The following FCGR2B variants were observed in gnomAD, a reference collection of about 807,000 sequenced individuals.
The protein encoded by FCGR2B is Fc gamma receptor IIb, also known as low affinity immunoglobulin gamma Fc region receptor II-b.
A neutral mutation model predicts 24.8 loss-of-function variants in FCGR2B; 18 were observed. That is an observed-to-expected ratio of 0.73 (90% confidence interval 0.50 to 1.08). The LOEUF is 1.08. Ranked by LOEUF, FCGR2B falls within the 50% of genes least tolerant of loss-of-function variation. The pLI, the probability that FCGR2B is intolerant of heterozygous loss-of-function variation, is 0.00. For synonymous variants in FCGR2B, 79 were observed against 109.8 expected, an observed-to-expected ratio of 0.72 and a Z score of 1.75; for missense variants, 215 against 297.6, an observed-to-expected ratio of 0.72 and a Z score of 2.04.
chr1:161,652,328 A>G, the FCGR2B span, among the ~76,000 whole-genome samples: 7 of 130,092 alleles, frequency 5.4e-5, 2 homozygotes, highest in Non-Finnish European at 1.2e-4. Context: ...GGTAATTTCT[A>G]TGAACCCATT....
chr1:161,661,053 G>A (rs1404269770), upstream of FCGR2B, among the ~76,000 whole-genome samples: 1 of 50,998 alleles, frequency 2.0e-5, no homozygotes, highest in African/African-American at 7.8e-5. Flanking sequence ...CCGCCTGGGC[G>A]ACAGAGTGAG....
intron 6 of FCGR2B, chr1:161,676,566 A>G (rs1335251511): frequency 1.2e-5 from 2 of 165,028 alleles, no homozygotes; most frequent in Non-Finnish European, 1.3e-5. Flanking sequence ...TGGGAAATGT[A>G]ATAGAATGGG....
chr1:161,675,379 G>A (rs1387297168), intron 6 of FCGR2B, 66 bp downstream of exon 6: 11 of 1,186,112 alleles, frequency 9.3e-6, no homozygotes, highest in Non-Finnish European at 1.3e-5. Context: ...ACTGGAGCCA[G>A]GGAGAAGGGG....
intron 6 of FCGR2B, 177 bp downstream of exon 6, chr1:161,675,490 A>G (rs367571526): frequency 1.4e-5 from 7 of 498,560 alleles, no homozygotes; most frequent in Admixed American, 4.1e-5. Flanking sequence ...CTGGGCCTAA[A>G]GACGACCTCT....
chr1:161,672,771 C>G, intron 3 of FCGR2B: 1 of 837,468 alleles, frequency 1.2e-6, no homozygotes, highest in Non-Finnish European at 1.8e-6. Context: ...CTCATTTTCA[C>G]GAATGAGGAA....
rs1050951796 is a variant in FCGR2B, at chr1:161,671,472, C to T, written c.214C>T (p.Arg72Trp). The change falls in exon 3 of 8, where the codon CGG becomes TGG. Residue 72 changes from arginine (R) to tryptophan (W), a missense_variant. Physicochemically the swap from Arg to Trp is moderately radical, Grantham distance 101. Around this residue, in one of 5 missense-constraint regions of FCGR2B, gnomAD observed 77 missense variants for 68.8 expected, o/e 1.12. Transcript: ENST00000358671. ...LQEDSVTLTC[R>W]GTHSPESDSI... ...GGAGGACTCTGTGACTCTGACATGC[C>T]GGGGGACTCACAGCCCTGAGAGCGA... 1.8e-5 allele frequency: 29 copies of T among 1,613,986 alleles called. No individual in the cohort carries two copies. The African/African-American group carries it at 2.0e-4, about 11-fold the overall frequency.
In FCGR2B at chr1:161,673,581, C is replaced by T. The variant is rs58388741; in HGVS notation, c.646+352C>T. 4,866 of 684,216 alleles carry T rather than the reference C, an allele frequency of 7.1e-3. 139 individuals are homozygous for T. The African/African-American group carries it at 0.072, about 10-fold the overall frequency. 42.4% of individuals were successfully genotyped at this position (684,216 alleles called of 1,614,324 possible). A position where few individuals can be genotyped will look rare whatever the true frequency, so the allele number is the denominator to read the frequency against. On this transcript the variant is annotated intron_variant, in intron 4 of 7. Coordinates refer to ENST00000358671, the MANE Select transcript of FCGR2B (RefSeq NM_001394477.1). ...TTTATTCTTCTCATGGCTCATGTTA[C>T]AGCCATTCACTCCAGAAAGCCTGGC...
chr1:161,676,285 C>A lies in FCGR2B; in HGVS notation c.817+972C>A, dbSNP rs1262370514. On this transcript the variant is annotated intron_variant, in intron 6 of 7. Transcript: ENST00000358671. ...GAGCCAACAGATTTAAGAGCTTGAG[C>A]AAAATATCACTTGTTCAGCTGTGCT... The A allele has an allele frequency of 1.4e-5, 3 of 207,502 alleles. No homozygotes were observed. In the East Asian group the frequency reaches 2.2e-4, roughly 15 times the overall value. The allele number at this position is 207,502 out of a possible 1,614,324, so 12.9% of individuals were successfully genotyped here.
chr1:161,677,000 C>T (rs1682203129), intron 6 of FCGR2B: 1 of 419,140 alleles, frequency 2.4e-6, no homozygotes, highest in Admixed American at 4.6e-5. Flanking sequence ...GCTGAACACC[C>T]CCCTCCCCCA....
chr1:161,671,693 C>T lies in FCGR2B; in HGVS notation c.391+44C>T, dbSNP rs5017566. On this transcript the variant is annotated intron_variant, in intron 3 of 7. Transcript: ENST00000358671. ...CAGGGTGGACCTGGGAGGGCCAGGA[C>T]GGATGAAATCTGCTTTCAGGCAGAG... 968 of 1,601,406 alleles carry T rather than the reference C, an allele frequency of 6.0e-4. 3 individuals carry two copies. Among genetic ancestry groups the T allele is most frequent in the African/African-American group, 5.5e-3 (412 of 74,652 alleles).
At chr1:161,661,212 AAG>A (rs1681021368), upstream of FCGR2B, among the ~76,000 whole-genome samples, 3 of 101,826 alleles carry the variant, frequency 2.9e-5, 1 homozygote, top group Non-Finnish European at 6.3e-5. Flanking sequence ...GAAAGAAAGA[AAG>A]AAAGAAAGAA....
At chr1:161,673,544 C>T in intron 4 of FCGR2B, 1 of 724,472 alleles carries the variant, frequency 1.4e-6, no homozygotes, top group Non-Finnish European at 2.5e-6. Context: ...TTCCTAAGAA[C>T]TGAGGTTTGC....
At chr1:161,656,296 TTC>T in the FCGR2B span, among the ~76,000 whole-genome samples, 1 of 81,044 alleles carries the variant, frequency 1.2e-5, no homozygotes, top group African/African-American at 4.1e-5. Flanking sequence ...ACCACTGTTC[TTC>T]TCATTTCTTC....
chr1:161,654,703 A>G, the FCGR2B span, among the ~76,000 whole-genome samples: 1 of 134,990 alleles, frequency 7.4e-6, no homozygotes, highest in African/African-American at 2.5e-5. Context: ...ACCCATTTGA[A>G]TGGTAGCCCT....
At chr1:161,673,609 G>A (rs561728733) in intron 4 of FCGR2B, 11 of 644,672 alleles carry the variant, frequency 1.7e-5, no homozygotes, top group East Asian at 6.2e-5. Context: ...AGCCTGGCAC[G>A]TCATGGACCG....
At chr1:161,656,199 G>A in the FCGR2B span, among the ~76,000 whole-genome samples, 2 of 146,104 alleles carry the variant, frequency 1.4e-5, no homozygotes, top group Non-Finnish European at 1.5e-5. Flanking sequence ...TTCAGGTGAA[G>A]CACAGGATAG....
chr1:161,661,212 AAGAAAGAAAG>A (rs1557894931), upstream of FCGR2B, among the ~76,000 whole-genome samples: 2 of 101,826 alleles, frequency 2.0e-5, no homozygotes, highest in Non-Finnish European at 4.2e-5. Context: ...GAAAGAAAGA[AAGAAAGAAAG>A]AAAGAAAGAA....
rs1198518420 is a variant in FCGR2B at position 161,672,009 on chromosome 1, C to A, written c.391+360C>A. Reference sequence around the variant, plus strand: ...TAACCCTTGAGTTTCCATTTCTTCACCTGCTCCGTGGGGCACTAACGCCTC... The same window carrying A: ...TAACCCTTGAGTTTCCATTTCTTCAACTGCTCCGTGGGGCACTAACGCCTC... On this transcript the variant is annotated intron_variant, in intron 3 of 7. Transcript: ENST00000358671. The A allele has an allele frequency of 1.6e-5, 5 of 316,988 alleles. No individual in the cohort carries two copies. The Admixed American group carries it at 1.8e-4, about 11-fold the overall frequency. The allele number at this position is 316,988 out of a possible 1,614,324, so 19.6% of individuals were successfully genotyped here.
At chr1:161,675,079 C>A in intron 5 of FCGR2B, 178 bp from the exon 6 acceptor site, 1 of 553,848 alleles carries the variant, frequency 1.8e-6, no homozygotes, top group Non-Finnish European at 3.2e-6. Context: ...TGCCTCTGGA[C>A]CAGCCCTTTT....
Sources: gnomAD v4.1 joint callset for allele counts (sites outside exome capture counted in the v4.1 genomes callset) on GRCh38, gnomAD v4.1.1 for gene constraint, gnomAD v4.1.1 regional missense constraint, MANE v1.5 for transcripts, NCBI Gene and HGNC (gene_info 2026-07-23, HGNC 2026-07-21) for gene names.